APBA1: variants seen among roughly 807,000 people sequenced by gnomAD.
APBA1 encodes the protein amyloid beta precursor protein binding family A member 1.
A neutral mutation model predicts 86.6 loss-of-function variants in APBA1; 55 were observed. The observed-to-expected ratio is 0.64, with a 90% confidence interval of 0.51 to 0.80. APBA1 has a LOEUF of 0.80. Among genes scored for constraint, APBA1 ranks in the 30% least tolerant of loss-of-function variants. APBA1 has a pLI of 0.00. For synonymous variants in APBA1, 511 were observed against 493.9 expected (o/e 1.03, Z -0.46); for missense variants, 1,090 against 1,183.0 (o/e 0.92, Z 1.15).
intron 1 of APBA1, among the ~76,000 whole-genome samples, chr9:69,613,097 T>A (rs1303337773): frequency 6.6e-6 from 1 of 152,072 alleles, no homozygotes; most frequent in African/African-American, 2.4e-5. Flanking sequence ...GAAAAAAATT[T>A]GTGTGTGTGA....
intron 1 of APBA1, among the ~76,000 whole-genome samples, chr9:69,648,081 T>A (rs1213605591): frequency 6.6e-6 from 1 of 152,186 alleles, no homozygotes; most frequent in Non-Finnish European, 1.5e-5. Flanking sequence ...GCTTATAGCA[T>A]TGGACAGATG....
upstream of APBA1, among the ~76,000 whole-genome samples, chr9:69,672,471 CG>C (rs1399029148): frequency 6.8e-6 from 1 of 146,968 alleles, no homozygotes; most frequent in Non-Finnish European, 1.5e-5. Flanking sequence ...AGGGAGGGCG[CG>C]GGGGAGCGCG....
In APBA1 at chr9:69,660,839, G is replaced by A. The variant is rs146779100; in HGVS notation, c.-70+11314C>T. 6.7e-3 allele frequency among the ~76,000 whole-genome samples: 1,012 copies of A among 152,136 alleles called. 6 individuals are homozygous for A. The highest frequency in any genetic ancestry group is 0.011 in the Non-Finnish European group (728 of 67,996). On this transcript the variant is annotated intron_variant, in intron 1 of 12. Transcript: ENST00000265381. ...AGGGAGATGAAAAAATGAGTGTGTG[G>A]GTGGGTGCATATTTTGAAAGGACAA...
At chr9:69,546,596 T>C (rs1420946956) in intron 1 of APBA1, among the ~76,000 whole-genome samples, 1 of 152,206 alleles carries the variant, frequency 6.6e-6, no homozygotes, top group Non-Finnish European at 1.5e-5. Context: ...CTTAAGTAAG[T>C]TGCCCATTTC....
chr9:69,487,727 G>C (rs7032915), intron 2 of APBA1, among the ~76,000 whole-genome samples: 36,486 of 151,878 alleles, frequency 0.24, 5,426 homozygotes, highest in African/African-American at 0.41. Flanking sequence ...GTCCTGCACT[G>C]CGGATTCCCC....
intron 1 of APBA1, among the ~76,000 whole-genome samples, chr9:69,649,755 AGAG>A (rs1823461093): frequency 6.6e-6 from 1 of 152,110 alleles, no homozygotes; most frequent in Non-Finnish European, 1.5e-5. Context: ...TTGCCAAACA[AGAG>A]TCAGTTTTTC....
chr9:69,487,971 A>G (rs992484666), intron 2 of APBA1, among the ~76,000 whole-genome samples: 2 of 152,160 alleles, frequency 1.3e-5, no homozygotes, highest in African/African-American at 2.4e-5. Flanking sequence ...AATAGCAAAT[A>G]AAGTGCAGAG....
rs550483045 is a variant in APBA1, at chr9:69,435,046, T to C, written c.2302-2370A>G. On this transcript the variant is annotated intron_variant, in intron 11 of 12. Coordinates refer to ENST00000265381, the MANE Select transcript of APBA1 (RefSeq NM_001163.4). ...CACCTATGAGTGAGAACATGCAGTG[T>C]TGGTTTTTTGTCCTTGCCATAGTTT... is the stretch of plus-strand genomic sequence containing the variant. 2.7e-5 allele frequency among the ~76,000 whole-genome samples: 4 copies of C among 149,866 alleles called. No homozygotes were observed. In the Admixed American group the frequency reaches 2.7e-4, roughly 10 times the overall value.
intron 1 of APBA1, among the ~76,000 whole-genome samples, chr9:69,526,870 C>T (rs983419492): frequency 1.3e-5 from 2 of 151,974 alleles, no homozygotes; most frequent in African/African-American, 2.4e-5. Flanking sequence ...GACATATACA[C>T]CATACACCAT....
At position 69,429,521 on chromosome 9, in the gene APBA1, A is replaced by C. The variant is rs1205569399; in HGVS notation, c.*1806T>G. On this transcript the variant is annotated 3_prime_UTR_variant, in exon 13 of 13. Coordinates refer to ENST00000265381, the MANE Select transcript of APBA1 (RefSeq NM_001163.4). Reference sequence around the variant, plus strand: ...GGGCAGCCAGCGGCCTCCCTTCCTCAGGGCTCCTTTGTAACACAGTGAAAC... The same window carrying C: ...GGGCAGCCAGCGGCCTCCCTTCCTCCGGGCTCCTTTGTAACACAGTGAAAC... 2 of 152,218 alleles carry C rather than the reference A, an allele frequency of 1.3e-5. No homozygotes were observed. The highest frequency in any genetic ancestry group is 2.9e-5 in the Non-Finnish European group (2 of 68,082). 9.4% of individuals were successfully genotyped at this position (152,218 alleles called of 1,614,324 possible).
chr9:69,600,656 G>A (rs1822330088), intron 1 of APBA1, among the ~76,000 whole-genome samples: 1 of 151,816 alleles, frequency 6.6e-6, no homozygotes. Context: ...AAAATTAGCT[G>A]AGTGTGGAGG....
At chr9:69,481,230 G>C (rs916657602) in intron 2 of APBA1, among the ~76,000 whole-genome samples, 1 of 150,966 alleles carries the variant, frequency 6.6e-6, no homozygotes, top group Non-Finnish European at 1.5e-5. Context: ...AAACCCCACT[G>C]TCTCAGCCCA....
intron 1 of APBA1, among the ~76,000 whole-genome samples, chr9:69,651,739 G>A (rs1434565907): frequency 1.3e-5 from 2 of 152,212 alleles, no homozygotes; most frequent in African/African-American, 4.8e-5. Flanking sequence ...GCCTCCCAGA[G>A]CGCTGAGATT....
chr9:69,494,882 CA>C (rs1169519494), intron 2 of APBA1, among the ~76,000 whole-genome samples: 1 of 152,106 alleles, frequency 6.6e-6, no homozygotes, highest in Non-Finnish European at 1.5e-5. Context: ...TACAAGGGTA[CA>C]TTATACTCAT....
rs1174022277 is a variant in APBA1, at chr9:69,427,735, A to AT, written c.*3591dup. On this transcript the variant is annotated 3_prime_UTR_variant, in exon 13 of 13. Transcript: ENST00000265381. ...CATTCAGTGGGTGTGCGGTGTCCAC[A>AT]TTCCAGGCTCACGTGTAGATATATT... 6.6e-6 allele frequency: 1 copy of AT among 152,172 alleles called. No homozygotes were observed. The highest frequency in any genetic ancestry group is 6.5e-5 in the Admixed American group (1 of 15,272). The allele number at this position is 152,172 out of a possible 1,614,324, so 9.4% of individuals were successfully genotyped here.
chr9:69,500,309 T>C (rs949677444), intron 2 of APBA1, among the ~76,000 whole-genome samples: 1 of 152,150 alleles, frequency 6.6e-6, no homozygotes, highest in African/African-American at 2.4e-5. Context: ...CTTCCAAATG[T>C]AACTGGCACA....
In APBA1 at chr9:69,432,976, C is replaced by T. The variant is rs566646596; in HGVS notation, c.2302-300G>A. ...GGTAAAAAGGGCCATTTGGGTCTGT[C>T]GCAGAGTCGCCAGTGTTTCCAAACT... is the stretch of plus-strand genomic sequence containing the variant. On this transcript the variant is annotated intron_variant, in intron 11 of 12. Coordinates refer to ENST00000265381, the MANE Select transcript of APBA1 (RefSeq NM_001163.4). 7.9e-5 allele frequency among the ~76,000 whole-genome samples: 12 copies of T among 152,276 alleles called. No individual in the cohort carries two copies. In the South Asian group the frequency reaches 1.7e-3, roughly 21 times the overall value.
chr9:69,471,982 C>T (rs1022597576), intron 3 of APBA1, among the ~76,000 whole-genome samples: 2 of 152,140 alleles, frequency 1.3e-5, no homozygotes, highest in African/African-American at 4.8e-5. Flanking sequence ...AAGTCTCTAA[C>T]AACAATAAAA....
At chr9:69,515,025 G>A (rs1836112492) in intron 2 of APBA1, among the ~76,000 whole-genome samples, 1 of 152,212 alleles carries the variant, frequency 6.6e-6, no homozygotes, top group African/African-American at 2.4e-5. Flanking sequence ...TTGATATAAG[G>A]CAGTTCTCAA....
Sources: gnomAD v4.1 joint callset for allele counts (sites outside exome capture counted in the v4.1 genomes callset) on GRCh38, gnomAD v4.1.1 for gene constraint, MANE v1.5 for transcripts, NCBI Gene and HGNC (gene_info 2026-07-23, HGNC 2026-07-21) for gene names.